JARID2: variants seen among roughly 807,000 people sequenced by gnomAD.
JARID2 encodes jumonji and AT-rich interaction domain containing 2.
In JARID2, 21 loss-of-function variants were observed where a neutral mutation model predicts 125.6. That is an observed-to-expected ratio of 0.17 (90% CI 0.12 to 0.24). JARID2 has a LOEUF of 0.24. Ranked by LOEUF, JARID2 falls within the 10% of genes least tolerant of loss-of-function variation. JARID2 has a pLI of 1.00. For synonymous variants in JARID2, 736 were observed against 661.6 expected (o/e 1.11, Z -1.73); for missense variants, 1,303 against 1,639.6 (o/e 0.79, Z 3.55).
At chr6:15,431,038 TCCG>T (rs1468597991) in intron 3 of JARID2, among the ~76,000 whole-genome samples, 1 of 152,224 alleles carries the variant, frequency 6.6e-6, no homozygotes, top group Non-Finnish European at 1.5e-5. Context: ...TGCTTGTTGT[TCCG>T]GCAAATACCA....
chr6:15,420,914 A>G (rs1766458115), intron 3 of JARID2, among the ~76,000 whole-genome samples: 1 of 152,174 alleles, frequency 6.6e-6, no homozygotes, highest in Non-Finnish European at 1.5e-5. Context: ...TACAATTTGG[A>G]TACTGTTCCT....
Position 15,511,299 on chromosome 6 carries a change from T to C in JARID2, c.2850T>C (p.Tyr950=). The C allele has an allele frequency of 5.0e-6, 8 of 1,611,124 alleles. No individual in the cohort carries two copies. Among genetic ancestry groups the C allele is most frequent in the Non-Finnish European group, 6.8e-6 (8 of 1,177,296 alleles). The change falls in exon 13 of 18, where the codon TAT becomes TAC. Residue 950 remains tyrosine (Y), a synonymous_variant. Coordinates refer to ENST00000341776, the MANE Select transcript of JARID2 (RefSeq NM_004973.4). ...CTTGTGTCTCTCAATGACCCAGGTA[T>C]TGCATTCCTGCTGAGGAGGAGAACA... The part of the protein sequence containing the change: ...YLHTGADCIW[Y]CIPAEEENKL...
intron 1 of JARID2, among the ~76,000 whole-genome samples, chr6:15,247,119 T>C (rs1299279314): frequency 6.6e-6 from 1 of 152,158 alleles, no homozygotes; most frequent in Non-Finnish European, 1.5e-5. Context: ...CATAAACCAG[T>C]TGGGAATCAT....
chr6:15,368,854 C>T, intron 1 of JARID2: 1 of 381,184 alleles, frequency 2.6e-6, no homozygotes, highest in Non-Finnish European at 5.4e-6. Flanking sequence ...GGATGGAGTC[C>T]TATTTTGCAG....
intron 12 of JARID2, among the ~76,000 whole-genome samples, chr6:15,509,565 GGACTGACA>G (rs2127760834): frequency 6.6e-6 from 1 of 152,360 alleles, no homozygotes; most frequent in African/African-American, 2.4e-5. Context: ...TGTGGAGCGG[GGACTGACA>G]GGAGCCTTGG....
chr6:15,372,287 C>T (rs982899617), intron 1 of JARID2, among the ~76,000 whole-genome samples: 1 of 152,086 alleles, frequency 6.6e-6, no homozygotes, highest in Admixed American at 6.5e-5. Context: ...GATTTTCTGC[C>T]TTCTCCTTGA....
intron 3 of JARID2, among the ~76,000 whole-genome samples, chr6:15,415,674 G>T (rs1405121213): frequency 6.8e-6 from 1 of 146,064 alleles, no homozygotes; most frequent in African/African-American, 2.6e-5. Context: ...CCCGGACGGG[G>T]TGGCTGGCCG....
intron 1 of JARID2, among the ~76,000 whole-genome samples, chr6:15,307,463 C>A (rs71533644): frequency 0.079 from 11,969 of 152,088 alleles, 534 homozygotes; most frequent in East Asian, 0.19. Context: ...AGGTGATCTT[C>A]CTGCCTGTGA....
chr6:15,295,528 C>T (rs1209532963), intron 1 of JARID2, among the ~76,000 whole-genome samples: 1 of 152,074 alleles, frequency 6.6e-6, no homozygotes, highest in Non-Finnish European at 1.5e-5. Flanking sequence ...GGCATAGGTG[C>T]TCTGTGATGT....
At chr6:15,375,916 GAAACACCAGCT>G (rs1437160840) in intron 2 of JARID2, among the ~76,000 whole-genome samples, 1 of 152,182 alleles carries the variant, frequency 6.6e-6, no homozygotes, top group East Asian at 1.9e-4. Flanking sequence ...TCTTAACTGG[GAAACACCAGCT>G]TTTAGAACAA....
rs1015291723 is a variant in JARID2 at position 15,509,152 on chromosome 6, G to A, written c.2846+698G>A. On this transcript the variant is annotated intron_variant, in intron 12 of 17. Coordinates refer to ENST00000341776, the MANE Select transcript of JARID2 (RefSeq NM_004973.4). ...TGTAGCCATCCCTGATTGAGGCTGG[G>A]TCCCCGCCTGTAATCCTGACTCTCA... 3.1e-6 allele frequency: 4 copies of A among 1,284,416 alleles called. No individual in the cohort carries two copies. The African/African-American group carries it at 6.1e-5, about 20-fold the overall frequency. 79.6% of individuals were successfully genotyped at this position (1,284,416 alleles called of 1,614,324 possible).
At chr6:15,258,018 A>G (rs1347934442) in intron 1 of JARID2, among the ~76,000 whole-genome samples, 5 of 152,164 alleles carry the variant, frequency 3.3e-5, no homozygotes, top group African/African-American at 1.2e-4. Context: ...TATGTATGAA[A>G]TGCTTTTTGT....
intron 12 of JARID2, 69 bp from the exon 13 acceptor site, chr6:15,511,227 G>A: frequency 9.5e-7 from 1 of 1,053,968 alleles, no homozygotes; most frequent in Non-Finnish European, 1.5e-6. Context: ...GGGTGACGGG[G>A]GTGGCCCAGT....
chr6:15,251,179 T>G (rs1175367810), intron 1 of JARID2, among the ~76,000 whole-genome samples: 2 of 152,136 alleles, frequency 1.3e-5, no homozygotes, highest in African/African-American at 2.4e-5. Flanking sequence ...GTCCGGCTAA[T>G]TTTTGTATTT....
At chr6:15,518,127 C>G (rs912136234) in intron 17 of JARID2, among the ~76,000 whole-genome samples, 31 of 152,252 alleles carry the variant, frequency 2.0e-4, no homozygotes, top group Non-Finnish European at 4.4e-5. Flanking sequence ...TGCTGTGTCC[C>G]TCCTTCACCT....
intron 5 of JARID2, among the ~76,000 whole-genome samples, chr6:15,484,519 C>T (rs1769773231): frequency 6.6e-6 from 1 of 152,176 alleles, no homozygotes; most frequent in African/African-American, 2.4e-5. Flanking sequence ...CCTGAGATGG[C>T]CCTTTTAAAC....
chr6:15,398,039 T>C (rs1222760402), intron 2 of JARID2, among the ~76,000 whole-genome samples: 1 of 152,202 alleles, frequency 6.6e-6, no homozygotes, highest in African/African-American at 2.4e-5. Flanking sequence ...TAACTTGATG[T>C]TGAGTTGGAA....
intron 2 of JARID2, among the ~76,000 whole-genome samples, chr6:15,408,952 G>A (rs1765763293): frequency 6.6e-6 from 1 of 152,156 alleles, no homozygotes; most frequent in Non-Finnish European, 1.5e-5. Flanking sequence ...AACTCTTAAA[G>A]CCTCATTAGT....
chr6:15,395,426 C>T (rs1373751333), intron 2 of JARID2, among the ~76,000 whole-genome samples: 3 of 151,708 alleles, frequency 2.0e-5, no homozygotes, highest in Admixed American at 1.3e-4. Context: ...CCACTGTGCC[C>T]GGCTAAGTTT....
Sources: allele counts gnomAD v4.1 joint callset (sites outside exome capture counted in the v4.1 genomes callset), GRCh38; gene constraint gnomAD v4.1.1; transcripts MANE v1.5; gene names NCBI Gene and HGNC (gene_info 2026-07-23, HGNC 2026-07-21).